The following EHMT1 variants were observed in gnomAD, a reference collection of about 807,000 sequenced individuals.
EHMT1 encodes the protein euchromatic histone lysine methyltransferase 1, also known as histone-lysine N-methyltransferase EHMT1.
EHMT1 carries 15 observed loss-of-function variants against 147.2 expected under a neutral mutation model. The ratio of observed to expected loss-of-function variants is 0.10; its 90% CI spans 0.07 to 0.16. The LOEUF (loss-of-function observed/expected upper bound fraction) is 0.16. Among genes scored for constraint, EHMT1 ranks in the 10% least tolerant of loss-of-function variants. The pLI, the probability that EHMT1 is intolerant of heterozygous loss-of-function variation, is 1.00. For missense variants in EHMT1, 1,587 were observed against 1,772.4 expected (o/e 0.90, Z 1.88); for synonymous variants, 795 against 709.6 (o/e 1.12, Z -1.91).
chr9:137,651,422 A>T (rs1246887710), intron 1 of EHMT1, among the ~76,000 whole-genome samples: 3 of 152,302 alleles, frequency 2.0e-5, no homozygotes, highest in East Asian at 1.9e-4. Context: ...TTTGAATTAT[A>T]GTCACAGGCC....
At chr9:137,748,628 G>A (rs956764387) in intron 6 of EHMT1, among the ~76,000 whole-genome samples, 18 of 152,134 alleles carry the variant, frequency 1.2e-4, no homozygotes, top group Non-Finnish European at 2.5e-4. Context: ...GGCCACACTC[G>A]GTGCTGCCAC....
intron 9 of EHMT1, among the ~76,000 whole-genome samples, chr9:137,759,188 C>T (rs577720993): frequency 6.6e-6 from 1 of 152,198 alleles, no homozygotes; most frequent in East Asian, 1.9e-4. Flanking sequence ...TTAGCCTAGT[C>T]CGTCATGGAA....
chr9:137,802,940 G>A, intron 18 of EHMT1: 1 of 1,232,760 alleles, frequency 8.1e-7, no homozygotes, highest in Non-Finnish European at 1.0e-6. Context: ...CTGGTGGAAG[G>A]CTGTGGCGGG....
chr9:137,799,068 G>A (rs1490687780), intron 17 of EHMT1, among the ~76,000 whole-genome samples, 154 bp downstream of exon 17: 1 of 79,184 alleles, frequency 1.3e-5, no homozygotes. Flanking sequence ...CCACACTTAG[G>A]GCCAGCTCGG....
intron 1 of EHMT1, chr9:137,646,388 T>C: frequency 1.0e-6 from 1 of 985,564 alleles, no homozygotes; most frequent in Non-Finnish European, 1.2e-6. Context: ...AAGAATCCTG[T>C]GACCACGGGG....
At chr9:137,834,211 C>G (rs1956432504) in intron 25 of EHMT1, 138 bp from the exon 26 acceptor site, 22 of 1,144,320 alleles carry the variant, frequency 1.9e-5, no homozygotes, top group Non-Finnish European at 2.7e-5. Flanking sequence ...CGCCACAGGT[C>G]ACTGGAGAAG....
chr9:137,649,703 G>A (rs915629972), intron 1 of EHMT1, among the ~76,000 whole-genome samples: 2 of 152,150 alleles, frequency 1.3e-5, no homozygotes, highest in Non-Finnish European at 2.9e-5. Context: ...CAAGTGTTGC[G>A]AACCAGGGAG....
intron 1 of EHMT1, among the ~76,000 whole-genome samples, chr9:137,692,691 G>A (rs1285869930): frequency 6.6e-6 from 1 of 152,148 alleles, no homozygotes; most frequent in Non-Finnish European, 1.5e-5. Flanking sequence ...TAGATGATCT[G>A]CGCGCTGGTC....
chr9:137,810,730 C>T (rs1463193007), intron 18 of EHMT1, among the ~76,000 whole-genome samples: 1 of 150,980 alleles, frequency 6.6e-6, no homozygotes, highest in Non-Finnish European at 1.5e-5. Context: ...CAGAGTTTCG[C>T]TCTTGTTGCC....
chr9:137,799,748 C>T (rs1286340198), intron 17 of EHMT1, among the ~76,000 whole-genome samples: 4 of 152,252 alleles, frequency 2.6e-5, no homozygotes, highest in African/African-American at 7.2e-5. Context: ...TCTGTGCCCT[C>T]TTGGCTGTGG....
At chr9:137,762,126 TCTC>T (rs1254466807) in intron 9 of EHMT1, among the ~76,000 whole-genome samples, 4 of 152,236 alleles carry the variant, frequency 2.6e-5, no homozygotes, top group Admixed American at 6.5e-5. Flanking sequence ...GAGCTCTAAT[TCTC>T]CTCTAGTTTA....
chr9:137,688,952 G>C (rs73568105), intron 1 of EHMT1, among the ~76,000 whole-genome samples: 2,234 of 152,260 alleles, frequency 0.015, 51 homozygotes, highest in African/African-American at 0.05. Flanking sequence ...TGACTGTCCT[G>C]ATGGGAGTGG....
At chr9:137,709,262 G>A (rs567598620) in intron 1 of EHMT1, among the ~76,000 whole-genome samples, 1 of 152,320 alleles carries the variant, frequency 6.6e-6, no homozygotes, top group South Asian at 2.1e-4. Flanking sequence ...GGTGCAGGCT[G>A]AGCTGGCTGG....
intron 25 of EHMT1, among the ~76,000 whole-genome samples, chr9:137,831,689 G>T (rs913938387): frequency 1.3e-5 from 2 of 152,250 alleles, no homozygotes; most frequent in Non-Finnish European, 2.9e-5. Context: ...TTGGCCCAGT[G>T]TCTGGTTCAT....
chr9:137,621,739 C>T lies in EHMT1; in HGVS notation c.21+2690C>T, dbSNP rs372571509. ...GTCCAGGGTCACTGAGGATCAGATC[C>T]TAGGGTTCCTTTGACTCAAGGCTTT... On this transcript the variant is annotated intron_variant, in intron 1 of 26. Coordinates refer to ENST00000460843, the MANE Select transcript of EHMT1 (RefSeq NM_024757.5). Among the ~76,000 whole-genome samples the T allele has an allele frequency of 3.7e-4, 56 of 152,220 alleles. No homozygotes were observed. In the East Asian group the frequency reaches 9.1e-3, roughly 25 times the overall value.
intron 15 of EHMT1, among the ~76,000 whole-genome samples, chr9:137,783,449 C>G (rs2136920705): frequency 6.6e-6 from 1 of 152,344 alleles, no homozygotes; most frequent in South Asian, 2.1e-4. Context: ...TCAGTAGCCT[C>G]TTTTTCTTCC....
chr9:137,666,854 G>A (rs1217665223), intron 1 of EHMT1, among the ~76,000 whole-genome samples: 1 of 152,184 alleles, frequency 6.6e-6, no homozygotes, highest in African/African-American at 2.4e-5. Flanking sequence ...GCAAGTGCTG[G>A]GCACATCTTA....
At chr9:137,638,732 C>T (rs543799635) in intron 1 of EHMT1, among the ~76,000 whole-genome samples, 27 of 148,656 alleles carry the variant, frequency 1.8e-4, no homozygotes, top group Admixed American at 1.1e-3. Flanking sequence ...GTATGACTTA[C>T]GTGTCCTCAT....
intron 14 of EHMT1, among the ~76,000 whole-genome samples, chr9:137,781,288 GATGTGTGGTGAT>G (rs1951506976): frequency 6.9e-5 from 9 of 130,372 alleles, no homozygotes; most frequent in Non-Finnish European, 9.7e-5. Flanking sequence ...ATGACGCTGA[GATGTGTGGTGAT>G]GACGGCATCA....
Sources: gnomAD v4.1 joint callset for allele counts (sites outside exome capture counted in the v4.1 genomes callset) on GRCh38, gnomAD v4.1.1 for gene constraint, MANE v1.5 for transcripts, NCBI Gene and HGNC (gene_info 2026-07-23, HGNC 2026-07-21) for gene names.